PHACTR1: variants seen among roughly 807,000 people sequenced by gnomAD.
PHACTR1 encodes the protein phosphatase and actin regulator 1.
Under a neutral mutation model 69.2 loss-of-function variants are expected in PHACTR1, and 16 were observed. That is an observed-to-expected ratio of 0.23 (90% CI 0.16 to 0.35). The LOEUF (loss-of-function observed/expected upper bound fraction) is 0.35. PHACTR1 is among the 10% of genes least tolerant of loss of function. The pLI, the probability that PHACTR1 is intolerant of heterozygous loss-of-function variation, is 1.00. For synonymous variants in PHACTR1, 312 were observed against 284.5 expected, an observed-to-expected ratio of 1.10 and a Z score of -0.97; for missense variants, 510 against 734.7, an observed-to-expected ratio of 0.69 and a Z score of 3.54.
At chr6:12,814,022 T>A (rs1775308823) in intron 4 of PHACTR1, among the ~76,000 whole-genome samples, 1 of 152,216 alleles carries the variant, frequency 6.6e-6, no homozygotes. Flanking sequence ...TCATTCTCAG[T>A]CCAGCTCCTT....
chr6:12,961,794 G>A (rs1792764079), intron 4 of PHACTR1, among the ~76,000 whole-genome samples: 1 of 152,200 alleles, frequency 6.6e-6, no homozygotes. Flanking sequence ...CCAAGACTGA[G>A]GTACTGGTAA....
intron 4 of PHACTR1, among the ~76,000 whole-genome samples, chr6:12,791,161 A>G (rs1349070238): frequency 6.6e-6 from 1 of 152,212 alleles, no homozygotes; most frequent in Admixed American, 6.5e-5. Flanking sequence ...ACAAAATGCT[A>G]TGGGAACACA....
intron 4 of PHACTR1, among the ~76,000 whole-genome samples, chr6:12,878,162 G>A (rs1228463934): frequency 2.6e-5 from 4 of 152,158 alleles, no homozygotes; most frequent in Non-Finnish European, 5.9e-5. Flanking sequence ...ATTAAACAAA[G>A]GAATGAATAA....
chr6:13,086,083 T>TAAAAAAAAAAAAAAAAAAAAAAATAAA (rs776154642), intron 5 of PHACTR1, among the ~76,000 whole-genome samples: 3 of 60,266 alleles, frequency 5.0e-5, no homozygotes, highest in Non-Finnish European at 8.8e-5. Context: ...TACACATTTC[T>TAAAAAAAAAAAAAAAAAAAAAAATAAA]AAAAAAAAAA....
intron 4 of PHACTR1, among the ~76,000 whole-genome samples, chr6:12,756,794 G>T (rs1313014355): frequency 6.6e-6 from 1 of 152,188 alleles, no homozygotes; most frequent in Middle Eastern, 3.2e-3. Context: ...TTGTAGACAT[G>T]GAAAGGCCAT....
chr6:13,218,774 AAAG>A (rs1216524191), intron 8 of PHACTR1, among the ~76,000 whole-genome samples: 40 of 150,472 alleles, frequency 2.7e-4, no homozygotes, highest in Middle Eastern at 3.4e-3. Flanking sequence ...AGCTATTTAA[AAAG>A]AAGAAGAAGA....
At chr6:13,025,870 C>T (rs564599740) in intron 4 of PHACTR1, among the ~76,000 whole-genome samples, 7 of 152,196 alleles carry the variant, frequency 4.6e-5, no homozygotes, top group African/African-American at 1.2e-4. Flanking sequence ...CTCATGCCAA[C>T]GTGAATAATC....
chr6:13,247,485 A>G (rs1773743546), intron 10 of PHACTR1, among the ~76,000 whole-genome samples: 1 of 152,022 alleles, frequency 6.6e-6, no homozygotes, highest in Non-Finnish European at 1.5e-5. Context: ...AGCTGAGATT[A>G]CAGGCGCCAG....
At chr6:12,981,399 C>T (rs1795511998) in intron 4 of PHACTR1, among the ~76,000 whole-genome samples, 1 of 152,190 alleles carries the variant, frequency 6.6e-6, no homozygotes, top group South Asian at 2.1e-4. Flanking sequence ...CTGATTACTA[C>T]CATGAATAGG....
intron 5 of PHACTR1, among the ~76,000 whole-genome samples, chr6:13,143,162 G>A (rs1234893086): frequency 6.6e-6 from 1 of 152,126 alleles, no homozygotes; most frequent in African/African-American, 2.4e-5. Flanking sequence ...GAAGGGAAGT[G>A]GAGATGGTTA....
At chr6:12,717,814 A>C (rs1761584592) in intron 2 of PHACTR1, 71 bp downstream of exon 2, 1 of 152,200 alleles carries the variant, frequency 6.6e-6, no homozygotes, top group African/African-American at 2.4e-5. Context: ...TTGGTTTCTT[A>C]AATTAAAATA....
chr6:13,099,377 T>C (rs1814782878), intron 5 of PHACTR1, among the ~76,000 whole-genome samples: 1 of 152,224 alleles, frequency 6.6e-6, no homozygotes, highest in African/African-American at 2.4e-5. Context: ...ATGTGGTGGA[T>C]GCCCACTCAC....
intron 4 of PHACTR1, among the ~76,000 whole-genome samples, chr6:13,043,166 C>T (rs1269011426): frequency 6.6e-6 from 1 of 152,212 alleles, no homozygotes; most frequent in Non-Finnish European, 1.5e-5. Context: ...GTGGCTCACG[C>T]CTGTAATCCC....
intron 4 of PHACTR1, among the ~76,000 whole-genome samples, chr6:12,947,507 G>A (rs550779681): frequency 1.3e-5 from 2 of 152,272 alleles, no homozygotes; most frequent in East Asian, 3.9e-4. Flanking sequence ...ATGAATTAGT[G>A]ACTTGGGAGG....
chr6:12,814,892 A>G (rs1775411742), intron 4 of PHACTR1, among the ~76,000 whole-genome samples: 4 of 152,200 alleles, frequency 2.6e-5, no homozygotes, highest in Admixed American at 2.0e-4. Context: ...GAGATCCTCC[A>G]TTAAGTCTGT....
intron 5 of PHACTR1, among the ~76,000 whole-genome samples, chr6:13,110,220 G>A (rs114679732): frequency 0.015 from 2,307 of 152,016 alleles, 47 homozygotes; most frequent in African/African-American, 0.05. Context: ...TAAATACCAA[G>A]CATTTATTTT....
intron 10 of PHACTR1, among the ~76,000 whole-genome samples, chr6:13,269,892 T>C (rs1035093249): frequency 6.6e-6 from 1 of 152,218 alleles, no homozygotes; most frequent in Admixed American, 6.5e-5. Context: ...CACACTTCTG[T>C]GACCCCACAC....
At chr6:12,892,509 C>G (rs1485713334) in intron 4 of PHACTR1, among the ~76,000 whole-genome samples, 1 of 152,182 alleles carries the variant, frequency 6.6e-6, no homozygotes, top group African/African-American at 2.4e-5. Context: ...GACTCAACTG[C>G]AAAATCTTCA....
chr6:12,947,592 C>G (rs1391007907), intron 4 of PHACTR1, among the ~76,000 whole-genome samples: 1 of 152,290 alleles, frequency 6.6e-6, no homozygotes, highest in East Asian at 1.9e-4. Context: ...AATGTGGGAG[C>G]CAGACGCTCC....
Sources: gnomAD v4.1 joint callset for allele counts (sites outside exome capture counted in the v4.1 genomes callset) on GRCh38, gnomAD v4.1.1 for gene constraint, MANE v1.5 for transcripts, NCBI Gene and HGNC (gene_info 2026-07-23, HGNC 2026-07-21) for gene names.